Variants in ZMYM2 observed in about 807,000 individuals in gnomAD.
ZMYM2 encodes the protein zinc finger MYM-type containing 2, also known as zinc finger MYM-type protein 2.
A neutral mutation model predicts 162.8 loss-of-function variants in ZMYM2; 56 were observed. That is an observed-to-expected ratio of 0.34 (90% CI 0.28 to 0.43). ZMYM2 has a LOEUF of 0.43. Among genes scored for constraint, ZMYM2 ranks in the 20% least tolerant of loss-of-function variants. The pLI is 1.00. For missense variants in ZMYM2, 1,275 were observed against 1,621.8 expected (o/e 0.79, Z 3.67); for synonymous variants, 510 against 541.6 (o/e 0.94, Z 0.81).
Position 20,086,283 on chromosome 13 carries a change from A to C in ZMYM2, c.*269A>C, listed in dbSNP as rs907330165. The C allele has an allele frequency of 2.8e-5, 8 of 287,542 alleles. No individual in the cohort carries two copies. Among genetic ancestry groups the C allele is most frequent in the African/African-American group, 1.7e-4 (8 of 46,638 alleles). 17.8% of individuals were successfully genotyped at this position (287,542 alleles called of 1,614,324 possible). A position where few individuals can be genotyped will look rare whatever the true frequency, so the allele number is the denominator to read the frequency against. On this transcript the variant is annotated 3_prime_UTR_variant, in exon 25 of 25. Transcript: ENST00000610343. ...ATGTTTGTAACTTTTTACATTACAG[A>C]ATATGAATGAGAATGTGCCATGTAT...
At chr13:20,026,070 T>G (rs1445796225) in intron 7 of ZMYM2, 1 of 152,158 alleles carries the variant, frequency 6.6e-6, no homozygotes, top group Non-Finnish European at 1.5e-5. Context: ...TCAAAAAAAT[T>G]TTTTTATTTT....
At chr13:19,971,262 A>ATAT (rs1329532735) in intron 2 of ZMYM2, among the ~76,000 whole-genome samples, 1,721 of 78,368 alleles carry the variant, frequency 0.022, 67 homozygotes, top group South Asian at 0.038. Context: ...ATATATATAT[A>ATAT]TTTTTTTTTT....
At chr13:19,970,292 T>G (rs1348514426) in intron 2 of ZMYM2, among the ~76,000 whole-genome samples, 1 of 152,164 alleles carries the variant, frequency 6.6e-6, no homozygotes, top group African/African-American at 2.4e-5. Flanking sequence ...AAGTATGGGT[T>G]TATTTACCTT....
upstream of ZMYM2, among the ~76,000 whole-genome samples, chr13:19,957,833 T>G (rs1374069176): frequency 6.6e-6 from 1 of 152,144 alleles, no homozygotes; most frequent in Non-Finnish European, 1.5e-5. Flanking sequence ...GCTCCCTCCA[T>G]CTTGGTTGAT....
intron 10 of ZMYM2, among the ~76,000 whole-genome samples, chr13:20,031,865 G>GT (rs10642086): frequency 0.71 from 92,153 of 130,152 alleles, 36,117 homozygotes; most frequent in East Asian, 0.94. Context: ...TTCTGTAATT[G>GT]TTTTTTTTTT....
chr13:19,878,312 C>T, the ZMYM2 span, among the ~76,000 whole-genome samples: 1 of 152,166 alleles, frequency 6.6e-6, no homozygotes, highest in East Asian at 1.9e-4. Context: ...CTCAGCCTCC[C>T]AAGGTACTGG....
intron 6 of ZMYM2, among the ~76,000 whole-genome samples, chr13:20,011,482 A>G (rs1951172215): frequency 6.6e-6 from 1 of 151,524 alleles, no homozygotes; most frequent in African/African-American, 2.4e-5. Context: ...CTCATTCTGT[A>G]TATGTTTTGC....
intron 2 of ZMYM2, among the ~76,000 whole-genome samples, chr13:19,972,006 A>G (rs1956377834): frequency 6.6e-6 from 1 of 152,180 alleles, no homozygotes; most frequent in Non-Finnish European, 1.5e-5. Context: ...AGAAAGTTAA[A>G]ATTACTTGAA....
chr13:19,965,790 T>TTG (rs1430049530), intron 2 of ZMYM2, among the ~76,000 whole-genome samples: 2 of 148,906 alleles, frequency 1.3e-5, no homozygotes, highest in African/African-American at 5.0e-5. Context: ...TTTTTTTTTT[T>TTG]TGAGACGGAG....
chr13:19,885,997 A>ATACACATATATG, the ZMYM2 span, among the ~76,000 whole-genome samples: 1 of 35,662 alleles, frequency 2.8e-5, no homozygotes, highest in East Asian at 1.0e-3. Flanking sequence ...ACACATATAT[A>ATACACATATATG]TGTGTATATA....
At position 20,076,940 on chromosome 13, in the gene ZMYM2, ATT is replaced by A. The variant is rs1315475277; in HGVS notation, c.3454-5075_3454-5074del. 5.3e-5 allele frequency among the ~76,000 whole-genome samples: 8 copies of A among 150,330 alleles called. No homozygotes were observed. The East Asian group carries it at 1.5e-3, about 29-fold the overall frequency. On this transcript the variant is annotated intron_variant, in intron 21 of 24. Transcript: ENST00000610343. Reference sequence around the variant, plus strand: ...CATCTCCGCCTCCCAGGTTCAAGTGATTCTCCTGCCTCAGCCTCCCGAGTACC... The same window carrying A: ...CATCTCCGCCTCCCAGGTTCAAGTGACTCCTGCCTCAGCCTCCCGAGTACC...
At chr13:19,948,538 G>C in the ZMYM2 span, among the ~76,000 whole-genome samples, 1 of 152,182 alleles carries the variant, frequency 6.6e-6, no homozygotes, top group African/African-American at 2.4e-5. Context: ...CTAACTGTAA[G>C]ACATTCTGGT....
intron 2 of ZMYM2, among the ~76,000 whole-genome samples, chr13:19,971,262 A>ATATATATATATATATATTTTTT (rs1329532735): frequency 1.3e-5 from 1 of 78,332 alleles, no homozygotes; most frequent in Non-Finnish European, 2.4e-5. Context: ...ATATATATAT[A>ATATATATATATATATATTTTTT]TTTTTTTTTT....
At chr13:20,076,152 T>C (rs1325316700) in intron 21 of ZMYM2, among the ~76,000 whole-genome samples, 1 of 150,510 alleles carries the variant, frequency 6.6e-6, no homozygotes, top group Non-Finnish European at 1.5e-5. Context: ...TACTTCCCAG[T>C]AAATTGTGGC....
intron 12 of ZMYM2, among the ~76,000 whole-genome samples, chr13:20,042,461 C>T (rs995703752): frequency 6.6e-6 from 1 of 152,012 alleles, no homozygotes; most frequent in Non-Finnish European, 1.5e-5. Context: ...TCCTGCTTAC[C>T]TTGTTCCTTG....
rs535395618 is a variant in ZMYM2 at position 20,034,385 on chromosome 13, G to A, written c.2100G>A (p.Lys700=). The A allele has an allele frequency of 1.3e-6, 2 of 1,599,950 alleles. No individual in the cohort carries two copies. The highest frequency in any genetic ancestry group is 2.7e-5 in the African/African-American group (2 of 74,072). The change falls in exon 11 of 25, where the codon AAG becomes AAA. Residue 700 remains lysine (K), a synonymous_variant. Coordinates refer to ENST00000610343, the MANE Select transcript of ZMYM2 (RefSeq NM_197968.4). ...LHETVNFSGV[K]RPFCSEGCKL... ...AAACAGTAAATTTCTCTGGCGTTAAGAGACCTTTCTGTAGTGAAGGCAAGT... is the reference window on the plus strand; with the variant it reads ...AAACAGTAAATTTCTCTGGCGTTAAAAGACCTTTCTGTAGTGAAGGCAAGT...
chr13:19,915,845 A>G, the ZMYM2 span, among the ~76,000 whole-genome samples: 3 of 146,086 alleles, frequency 2.1e-5, no homozygotes, highest in East Asian at 6.2e-4. Context: ...TTATTGTCAT[A>G]TTATATTATG....
the ZMYM2 span, among the ~76,000 whole-genome samples, chr13:19,922,202 A>G: frequency 6.6e-6 from 1 of 152,048 alleles, no homozygotes; most frequent in Non-Finnish European, 1.5e-5. Flanking sequence ...GGCGTGAGCC[A>G]CCAGGCCTGG....
At chr13:20,071,738 T>A (rs999105718) in intron 21 of ZMYM2, 4 of 171,260 alleles carry the variant, frequency 2.3e-5, no homozygotes, top group African/African-American at 9.5e-5. Flanking sequence ...TGGCATTAAT[T>A]GGCCTTAAGT....
Sources: allele counts gnomAD v4.1 joint callset (sites outside exome capture counted in the v4.1 genomes callset), GRCh38; gene constraint gnomAD v4.1.1; transcripts MANE v1.5; gene names NCBI Gene and HGNC (gene_info 2026-07-23, HGNC 2026-07-21).